NELL2: variants seen among roughly 807,000 people sequenced by gnomAD.
The protein encoded by NELL2 is protein kinase C-binding protein NELL2.
In NELL2, 41 loss-of-function variants were observed where a neutral mutation model predicts 109.6. The observed-to-expected ratio is 0.37, with a 90% CI of 0.29 to 0.49. The LOEUF (loss-of-function observed/expected upper bound fraction) is 0.49, where lower values mean the gene tolerates loss of function less well. Ranked by LOEUF, NELL2 falls within the 20% of genes least tolerant of loss-of-function variation. NELL2 has a pLI of 0.98. For missense variants in NELL2, 900 were observed against 1,008.3 expected (o/e 0.89, Z 1.45); for synonymous variants, 355 against 344.7 (o/e 1.03, Z -0.33).
chr12:44,752,835 C>T (rs1940711570), intron 9 of NELL2, among the ~76,000 whole-genome samples: 1 of 152,174 alleles, frequency 6.6e-6, no homozygotes, highest in Non-Finnish European at 1.5e-5. Flanking sequence ...ATTGCCAAGT[C>T]ATGTACTGCC....
intron 13 of NELL2, among the ~76,000 whole-genome samples, chr12:44,646,443 A>C (rs756723855): frequency 6.6e-6 from 1 of 152,218 alleles, no homozygotes; most frequent in Non-Finnish European, 1.5e-5. Context: ...ACCAAACCCT[A>C]TATCTGCTAT....
chr12:44,695,122 G>A (rs1005498554), intron 12 of NELL2, among the ~76,000 whole-genome samples: 1 of 148,564 alleles, frequency 6.7e-6, no homozygotes, highest in Non-Finnish European at 1.5e-5. Context: ...AGAGGAGGGA[G>A]AGAGGAAGGA....
chr12:44,855,642 T>C (rs1213945684), intron 2 of NELL2, among the ~76,000 whole-genome samples: 1 of 150,406 alleles, frequency 6.6e-6, no homozygotes, highest in Non-Finnish European at 1.5e-5. Context: ...TAATCCAACT[T>C]AATCTTTATC....
At chr12:44,526,173 T>C (rs537287586) in intron 16 of NELL2, among the ~76,000 whole-genome samples, 2 of 152,254 alleles carry the variant, frequency 1.3e-5, no homozygotes, top group African/African-American at 4.8e-5. Context: ...CTGATTTTCA[T>C]TTTAGACAGG....
At chr12:44,798,507 C>T (rs556816384) in intron 3 of NELL2, among the ~76,000 whole-genome samples, 2 of 152,132 alleles carry the variant, frequency 1.3e-5, no homozygotes, top group African/African-American at 4.8e-5. Context: ...AACAACTCTA[C>T]AGAATGCTAT....
chr12:44,774,825 G>C lies in NELL2; in HGVS notation c.916C>G (p.Leu306Val). 6.2e-7 allele frequency: 1 copy of C among 1,613,918 alleles called. No individual in the cohort carries two copies. The highest frequency in any genetic ancestry group is 2.2e-5 in the East Asian group (1 of 44,882). ...GGGCAGTCAGGATTTGGGCAGATTA[G>C]AGTTTCACACTGGATGGTTCCATTC... The part of the protein sequence containing the change: ...CLNGTIQCET[L>V]ICPNPDCPLK... The change falls in exon 9 of 20, where the codon CTA becomes GTA. Residue 306 changes from leucine (L) to valine (V), a missense_variant. This residue lies in a region of NELL2 where 292 missense variants were observed against 265.3 expected (regional missense o/e 1.10). Coordinates refer to ENST00000429094, the MANE Select transcript of NELL2 (RefSeq NM_001145108.2).
Position 44,836,396 on chromosome 12 carries a change from T to C in NELL2, c.185-20260A>G, listed in dbSNP as rs555039550. On this transcript the variant is annotated intron_variant, in intron 2 of 19. Transcript: ENST00000429094. ...GCTGACATAGGCCACCATTTATAGC[T>C]TGGCCTCCAGGTGAAACCACACTCA... Among the ~76,000 whole-genome samples, 3 of 152,330 alleles carry C rather than the reference T, an allele frequency of 2.0e-5. No homozygotes were observed. In the South Asian group the frequency reaches 6.2e-4, roughly 32 times the overall value.
At chr12:44,829,480 AG>A (rs1319929888) in intron 2 of NELL2, among the ~76,000 whole-genome samples, 1 of 152,216 alleles carries the variant, frequency 6.6e-6, no homozygotes, top group East Asian at 1.9e-4. Context: ...TAAATTCCCA[AG>A]AATCATTAAA....
chr12:44,619,593 G>C (rs560579202), intron 13 of NELL2, among the ~76,000 whole-genome samples: 1 of 149,074 alleles, frequency 6.7e-6, no homozygotes, highest in African/African-American at 2.4e-5. Context: ...GCAACACTGA[G>C]AGAAGGAAGA....
At chr12:44,548,841 A>C (rs1942912465) in intron 15 of NELL2, among the ~76,000 whole-genome samples, 1 of 152,200 alleles carries the variant, frequency 6.6e-6, no homozygotes, top group South Asian at 2.1e-4. Context: ...ACAATGATAA[A>C]TTTAAGCACT....
chr12:44,644,594 A>ATATATATG (rs1555190826), intron 13 of NELL2, among the ~76,000 whole-genome samples: 4 of 92,486 alleles, frequency 4.3e-5, no homozygotes, highest in African/African-American at 4.7e-5. Flanking sequence ...ATATATATAT[A>ATATATATG]TATATATATG....
intron 2 of NELL2, among the ~76,000 whole-genome samples, chr12:44,833,956 A>T (rs1350403481): frequency 6.6e-6 from 1 of 152,166 alleles, no homozygotes; most frequent in Admixed American, 6.5e-5. Context: ...AGCATTTCCA[A>T]TCTGAATGCT....
intron 9 of NELL2, among the ~76,000 whole-genome samples, chr12:44,724,948 C>G (rs1264857112): frequency 6.6e-6 from 1 of 151,848 alleles, no homozygotes; most frequent in Non-Finnish European, 1.5e-5. Context: ...AATACAGAGC[C>G]CAGAAATAAG....
At chr12:44,786,881 TG>T (rs1942196698) in intron 3 of NELL2, among the ~76,000 whole-genome samples, 1 of 151,214 alleles carries the variant, frequency 6.6e-6, no homozygotes, top group Non-Finnish European at 1.5e-5. Context: ...TGTCATGGGG[TG>T]GGGGCAAGAT....
intron 19 of NELL2, among the ~76,000 whole-genome samples, chr12:44,513,210 G>A (rs1941079414): frequency 1.3e-5 from 2 of 151,844 alleles, no homozygotes; most frequent in Admixed American, 6.6e-5. Context: ...AAAACTAAAG[G>A]TAAATTTGAA....
intron 11 of NELL2, among the ~76,000 whole-genome samples, chr12:44,704,379 T>G (rs1256676425): frequency 2.0e-5 from 3 of 152,168 alleles, no homozygotes; most frequent in Non-Finnish European, 4.4e-5. Flanking sequence ...TTAATCTAAT[T>G]TTCTCTAGAA....
At chr12:44,622,320 TG>T (rs1946089671) in intron 13 of NELL2, among the ~76,000 whole-genome samples, 1 of 152,124 alleles carries the variant, frequency 6.6e-6, no homozygotes, top group Non-Finnish European at 1.5e-5. Context: ...ATGTCAGTGC[TG>T]CCCCTAAATT....
intron 15 of NELL2, among the ~76,000 whole-genome samples, chr12:44,572,527 G>A (rs1203626046): frequency 1.3e-5 from 2 of 152,044 alleles, no homozygotes; most frequent in African/African-American, 4.8e-5. Context: ...GGCAAATTAG[G>A]AAACATACTA....
intron 13 of NELL2, among the ~76,000 whole-genome samples, chr12:44,616,656 G>A (rs1311876146): frequency 1.3e-5 from 2 of 152,156 alleles, no homozygotes; most frequent in Non-Finnish European, 2.9e-5. Flanking sequence ...TGGCTGCTTA[G>A]TCATATTCCT....
Sources: allele counts gnomAD v4.1 joint callset (sites outside exome capture counted in the v4.1 genomes callset), GRCh38; gene constraint gnomAD v4.1.1; regional missense constraint gnomAD v4.1.1; transcripts MANE v1.5; gene names NCBI Gene and HGNC (gene_info 2026-07-23, HGNC 2026-07-21).